SGCZ: variants seen among roughly 807,000 people sequenced by gnomAD.
SGCZ encodes sarcoglycan zeta.
SGCZ carries 40 observed loss-of-function variants against 41.3 expected under a neutral mutation model. The observed-to-expected ratio is 0.97, with a 90% CI of 0.75 to 1.26. The LOEUF (loss-of-function observed/expected upper bound fraction) is 1.26, where lower values mean the gene tolerates loss of function less well. Ranked by LOEUF, SGCZ falls within the 50% of genes most tolerant of loss-of-function variation. SGCZ has a pLI of 0.00. For missense variants in SGCZ, 552 were observed against 369.8 expected (o/e 1.49, Z -4.04); for synonymous variants, 206 against 137.5 (o/e 1.50, Z -3.49).
At chr8:14,234,880 C>T (rs1243865348) in intron 4 of SGCZ, among the ~76,000 whole-genome samples, 2 of 152,038 alleles carry the variant, frequency 1.3e-5, no homozygotes, top group East Asian at 1.9e-4. Flanking sequence ...TGTTTTGTAA[C>T]GTATCTCTCA....
At chr8:14,885,970 A>G (rs1585349184) in intron 1 of SGCZ, among the ~76,000 whole-genome samples, 1 of 129,668 alleles carries the variant, frequency 7.7e-6, no homozygotes, top group Non-Finnish European at 1.6e-5. Context: ...TTTTTTAATC[A>G]TAAAGGACTT....
At chr8:14,886,915 C>G (rs969402912) in intron 1 of SGCZ, among the ~76,000 whole-genome samples, 1 of 152,034 alleles carries the variant, frequency 6.6e-6, no homozygotes, top group African/African-American at 2.4e-5. Flanking sequence ...GGGCAGAGTA[C>G]TGCAGTGGAG....
intron 1 of SGCZ, among the ~76,000 whole-genome samples, chr8:14,876,726 T>C (rs1804370281): frequency 6.6e-6 from 1 of 152,160 alleles, no homozygotes; most frequent in Non-Finnish European, 1.5e-5. Flanking sequence ...AACCAACTGG[T>C]TGAAACAGAA....
intron 1 of SGCZ, among the ~76,000 whole-genome samples, chr8:14,664,352 T>C (rs1279956769): frequency 6.6e-6 from 1 of 152,186 alleles, no homozygotes; most frequent in Non-Finnish European, 1.5e-5. Flanking sequence ...TAGAATTATG[T>C]TAGATTACTT....
At chr8:14,615,788 C>T (rs1428050894) in intron 1 of SGCZ, among the ~76,000 whole-genome samples, 1 of 152,166 alleles carries the variant, frequency 6.6e-6, no homozygotes, top group Non-Finnish European at 1.5e-5. Flanking sequence ...TACCTCGCAA[C>T]ACAGAACATT....
intron 3 of SGCZ, among the ~76,000 whole-genome samples, chr8:14,268,986 GT>G (rs1563224123): frequency 2.0e-5 from 3 of 151,522 alleles, no homozygotes; most frequent in Non-Finnish European, 4.4e-5. Flanking sequence ...TTTATTACCT[GT>G]AAATAGAAAA....
chr8:14,175,929 T>C (rs951146393), intron 4 of SGCZ, among the ~76,000 whole-genome samples: 1 of 152,148 alleles, frequency 6.6e-6, no homozygotes, highest in Non-Finnish European at 1.5e-5. Context: ...CTGGTATACC[T>C]GTAGTTACAA....
chr8:14,719,220 A>G (rs1422403281), intron 1 of SGCZ, among the ~76,000 whole-genome samples: 2 of 149,324 alleles, frequency 1.3e-5, no homozygotes, highest in Non-Finnish European at 3.0e-5. Context: ...TCCATGGTGT[A>G]TATGTGCCAC....
rs778309292 is a variant in SGCZ, at chr8:14,952,171, C to G, written c.39+285414G>C. On this transcript the variant is annotated intron_variant, in intron 1 of 7. Transcript: ENST00000382080. ...ACTAAAATATATTTTTTCATAAATCCGAGTTACTCCTAATCATAATCTGAA... is the reference window on the plus strand; with the variant it reads ...ACTAAAATATATTTTTTCATAAATCGGAGTTACTCCTAATCATAATCTGAA... Among the ~76,000 whole-genome samples the G allele has an allele frequency of 5.9e-5, 9 of 151,978 alleles. No homozygotes were observed. In the Middle Eastern group the frequency reaches 0.017, roughly 287 times the overall value.
chr8:14,498,528 C>T (rs1468476353), intron 2 of SGCZ, among the ~76,000 whole-genome samples: 1 of 151,956 alleles, frequency 6.6e-6, no homozygotes, highest in Non-Finnish European at 1.5e-5. Context: ...AAAAGAATAA[C>T]CCATAACATT....
intron 1 of SGCZ, among the ~76,000 whole-genome samples, chr8:14,861,402 G>GT (rs1803742363): frequency 6.6e-6 from 1 of 152,132 alleles, no homozygotes; most frequent in Non-Finnish European, 1.5e-5. Context: ...TTGCACAGCG[G>GT]TAAGAATGCT....
chr8:14,882,461 T>C (rs551043720), intron 1 of SGCZ, among the ~76,000 whole-genome samples: 1 of 152,322 alleles, frequency 6.6e-6, no homozygotes, highest in East Asian at 1.9e-4. Context: ...CTTCTATCTA[T>C]GTGTTAGAGT....
At chr8:14,532,084 T>C (rs903325197) in intron 2 of SGCZ, among the ~76,000 whole-genome samples, 7 of 152,246 alleles carry the variant, frequency 4.6e-5, no homozygotes, top group Non-Finnish European at 7.4e-5. Flanking sequence ...TTCCATGTAG[T>C]TGTTTTAGTT....
intron 1 of SGCZ, among the ~76,000 whole-genome samples, chr8:14,847,834 C>G (rs888784056): frequency 1.4e-5 from 2 of 143,350 alleles, no homozygotes; most frequent in African/African-American, 5.1e-5. Context: ...TCTAATATCA[C>G]AAGTAAGTCA....
chr8:15,203,341 G>A (rs1285202852), intron 1 of SGCZ, among the ~76,000 whole-genome samples: 1 of 152,094 alleles, frequency 6.6e-6, no homozygotes, highest in African/African-American at 2.4e-5. Context: ...CGACAGTAGT[G>A]GGATTTTTAT....
intron 1 of SGCZ, among the ~76,000 whole-genome samples, chr8:15,157,056 A>G (rs73527049): frequency 0.035 from 5,397 of 152,180 alleles, 285 homozygotes; most frequent in African/African-American, 0.12. Flanking sequence ...AAAAAACATG[A>G]ACAGTGAACC....
chr8:14,198,847 A>G (rs554730039), intron 4 of SGCZ, among the ~76,000 whole-genome samples: 1 of 152,306 alleles, frequency 6.6e-6, no homozygotes, highest in South Asian at 2.1e-4. Context: ...TGAAGATTTA[A>G]TGGACACTTA....
intron 1 of SGCZ, among the ~76,000 whole-genome samples, chr8:14,830,454 CCT>C (rs1297725010): frequency 6.6e-6 from 1 of 152,044 alleles, no homozygotes; most frequent in Non-Finnish European, 1.5e-5. Context: ...CTTTATTCTT[CCT>C]CTTTCTTTCT....
chr8:14,389,762 G>C (rs996672369), intron 2 of SGCZ, among the ~76,000 whole-genome samples: 1 of 151,896 alleles, frequency 6.6e-6, no homozygotes, highest in African/African-American at 2.4e-5. Context: ...CTAAAACTGA[G>C]CAAGTATTTT....
Sources: gnomAD v4.1 joint callset for allele counts (sites outside exome capture counted in the v4.1 genomes callset) on GRCh38, gnomAD v4.1.1 for gene constraint, MANE v1.5 for transcripts, NCBI Gene and HGNC (gene_info 2026-07-23, HGNC 2026-07-21) for gene names.